GALNT1: variants seen among roughly 807,000 people sequenced by gnomAD.
The protein encoded by GALNT1 is GalNAc transferase 1.
A neutral mutation model predicts 65.7 loss-of-function variants in GALNT1; 17 were observed. The ratio of observed to expected loss-of-function variants is 0.26; its 90% CI spans 0.18 to 0.39. The LOEUF (loss-of-function observed/expected upper bound fraction) is 0.39, where lower values mean the gene tolerates loss of function less well. GALNT1 is among the 10% of genes least tolerant of loss of function. The probability of loss-of-function intolerance (pLI) is 1.00; values close to 1 mark genes in which losing one functional copy is unlikely to be tolerated. For missense variants in GALNT1, 460 were observed against 672.8 expected (o/e 0.68, Z 3.50); for synonymous variants, 210 against 219.7 (o/e 0.96, Z 0.39).
intron 10 of GALNT1, 99 bp downstream of exon 10, chr18:35,703,094 C>A: frequency 3.0e-6 from 2 of 655,812 alleles, no homozygotes; most frequent in Non-Finnish European, 5.0e-6. Flanking sequence ...TATTTTCCTT[C>A]CTTTAAAGAG....
chr18:35,611,585 A>G (rs1371312700), intron 1 of GALNT1, among the ~76,000 whole-genome samples: 1 of 152,188 alleles, frequency 6.6e-6, no homozygotes, highest in Non-Finnish European at 1.5e-5. Flanking sequence ...TCAAGGTCCA[A>G]TATGTAATCA....
At chr18:35,698,202 TCA>T (rs2048092643) in intron 9 of GALNT1, among the ~76,000 whole-genome samples, 1 of 152,174 alleles carries the variant, frequency 6.6e-6, no homozygotes, top group Admixed American at 6.5e-5. Flanking sequence ...GCCTGGTGAC[TCA>T]CACCTGTAAT....
At chr18:35,692,549 A>G (rs772064045) in intron 9 of GALNT1, among the ~76,000 whole-genome samples, 1 of 151,970 alleles carries the variant, frequency 6.6e-6, no homozygotes, top group East Asian at 1.9e-4. Context: ...CCTGGAGATA[A>G]GCTGTGTACT....
At chr18:35,635,753 A>T (rs2047080591) in intron 1 of GALNT1, among the ~76,000 whole-genome samples, 1 of 151,548 alleles carries the variant, frequency 6.6e-6, no homozygotes, top group Admixed American at 6.6e-5. Context: ...TTAATTAGGG[A>T]TTTATAGATT....
intron 4 of GALNT1, among the ~76,000 whole-genome samples, chr18:35,678,259 T>G (rs1463543488): frequency 2.0e-5 from 3 of 152,166 alleles, no homozygotes; most frequent in African/African-American, 7.2e-5. Flanking sequence ...TCAGGAATGA[T>G]CTATAGCTAG....
At chr18:35,695,304 C>T (rs2048037892) in intron 9 of GALNT1, among the ~76,000 whole-genome samples, 1 of 151,868 alleles carries the variant, frequency 6.6e-6, no homozygotes, top group Admixed American at 6.6e-5. Flanking sequence ...CATCTCTTAT[C>T]ATGGGGAGGA....
intron 1 of GALNT1, among the ~76,000 whole-genome samples, chr18:35,639,441 T>G (rs2047133841): frequency 6.6e-6 from 1 of 152,254 alleles, no homozygotes; most frequent in Non-Finnish European, 1.5e-5. Flanking sequence ...CACTGCTGTA[T>G]AGTATCAACA....
At chr18:35,693,306 G>A (rs760427343) in intron 9 of GALNT1, among the ~76,000 whole-genome samples, 7 of 152,178 alleles carry the variant, frequency 4.6e-5, no homozygotes, top group Admixed American at 2.6e-4. Flanking sequence ...TACTTAGCGC[G>A]TTCCAGAAAC....
At chr18:35,659,069 A>G (rs1173070817) in intron 2 of GALNT1, among the ~76,000 whole-genome samples, 2 of 152,086 alleles carry the variant, frequency 1.3e-5, no homozygotes, top group Non-Finnish European at 2.9e-5. Context: ...AAAACAAACA[A>G]CCAAAACAAA....
At chr18:35,676,367 G>A (rs773076817) in intron 3 of GALNT1, among the ~76,000 whole-genome samples, 1 of 152,152 alleles carries the variant, frequency 6.6e-6, no homozygotes, top group Non-Finnish European at 1.5e-5. Context: ...CTTGTCTCCT[G>A]GCAGAAAGAA....
intron 4 of GALNT1, among the ~76,000 whole-genome samples, chr18:35,678,725 C>T (rs564178936): frequency 6.6e-6 from 1 of 152,246 alleles, no homozygotes; most frequent in South Asian, 2.1e-4. Context: ...ACCATTTTAA[C>T]CTCTTTTGCT....
intron 9 of GALNT1, among the ~76,000 whole-genome samples, chr18:35,693,852 A>G (rs2048009179): frequency 2.6e-5 from 4 of 152,124 alleles, no homozygotes; most frequent in Admixed American, 2.6e-4. Flanking sequence ...TGAGGAGGAG[A>G]AAATGTTAAG....
At chr18:35,684,740 G>A (rs1451788084) in intron 5 of GALNT1, among the ~76,000 whole-genome samples, 3 of 152,166 alleles carry the variant, frequency 2.0e-5, no homozygotes, top group Non-Finnish European at 4.4e-5. Context: ...TGCAAATCTC[G>A]AAAAGAAGTG....
chr18:35,594,591 G>A (rs2046482991), intron 1 of GALNT1, among the ~76,000 whole-genome samples: 1 of 152,208 alleles, frequency 6.6e-6, no homozygotes, highest in African/African-American at 2.4e-5. Context: ...CTGAGGGTTA[G>A]AGATTGTATG....
At chr18:35,650,077 A>C (rs1457612519) in intron 1 of GALNT1, among the ~76,000 whole-genome samples, 2 of 152,146 alleles carry the variant, frequency 1.3e-5, no homozygotes, top group African/African-American at 4.8e-5. Context: ...TTGTTCTTTA[A>C]ACTTTATCAG....
rs1009710245 is a variant in GALNT1 at position 35,621,544 on chromosome 18, T to C, written c.-103-33016T>C. Among the ~76,000 whole-genome samples, 16 of 141,152 alleles carry C rather than the reference T, an allele frequency of 1.1e-4. 1 individual carries two copies. The highest frequency in any genetic ancestry group is 4.4e-4 in the African/African-American group (16 of 36,082). 92.6% of individuals were successfully genotyped at this position (141,152 alleles called of 152,430 possible). ...TTTAATACATTCTGATACTAATCTT[T>C]TGTTCATTATCTGTATGTATCTGAA... On this transcript the variant is annotated intron_variant, in intron 1 of 11. Transcript: ENST00000269195.
In GALNT1 at chr18:35,581,780, G is replaced by GCGCA. The variant is rs546375803; in HGVS notation, c.-183_-182insACGC. ...CGCGGCGGACGGCGGCCCGAGAGTA[G>GCGCA]CGCGCTGGCCGCGGGACCGGCCGCG... On this transcript the variant is annotated 5_prime_UTR_variant, in exon 1 of 12. Coordinates refer to ENST00000269195, the MANE Select transcript of GALNT1 (RefSeq NM_020474.4). 7.1e-6 allele frequency: 1 copy of GCGCA among 141,376 alleles called. No individual in the cohort carries two copies. Among genetic ancestry groups the GCGCA allele is most frequent in the Non-Finnish European group, 1.6e-5 (1 of 64,244 alleles). 8.8% of individuals were successfully genotyped at this position (141,376 alleles called of 1,614,324 possible). A position where few individuals can be genotyped will look rare whatever the true frequency, so the allele number is the denominator to read the frequency against.
rs2047110033 is a variant in GALNT1, at chr18:35,637,773, A to T, written c.-103-16787A>T. On this transcript the variant is annotated intron_variant, in intron 1 of 11. Coordinates refer to ENST00000269195, the MANE Select transcript of GALNT1 (RefSeq NM_020474.4). ...ATCTAAGACTTTCATAGGTAGAGAG[A>T]AGTCAGTGCCTGACTTTAAAGCGTC... Among the ~76,000 whole-genome samples, 6 of 152,328 alleles carry T rather than the reference A, an allele frequency of 3.9e-5. No homozygotes were observed. The South Asian group carries it at 1.2e-3, about 32-fold the overall frequency.
intron 2 of GALNT1, among the ~76,000 whole-genome samples, chr18:35,655,490 T>A (rs1037220114): frequency 7.3e-5 from 11 of 151,124 alleles, no homozygotes; most frequent in East Asian, 1.9e-4. Flanking sequence ...TGCCATTTTT[T>A]AAAAAATTCT....
Sources: gnomAD v4.1 joint callset for allele counts (sites outside exome capture counted in the v4.1 genomes callset) on GRCh38, gnomAD v4.1.1 for gene constraint, MANE v1.5 for transcripts, NCBI Gene and HGNC (gene_info 2026-07-23, HGNC 2026-07-21) for gene names.